Variants in ADGRV1 observed in about 807,000 individuals in gnomAD.
The protein encoded by ADGRV1 is adhesion G protein-coupled receptor V1.
ADGRV1 carries 359 observed loss-of-function variants against 596.2 expected under a neutral mutation model. The ratio of observed to expected loss-of-function variants is 0.60; its 90% confidence interval spans 0.55 to 0.66. The LOEUF (loss-of-function observed/expected upper bound fraction) is 0.66. ADGRV1 is among the 30% of genes least tolerant of loss of function. The probability of loss-of-function intolerance (pLI) is 0.00; values close to 1 mark genes in which losing one functional copy is unlikely to be tolerated. For synonymous variants in ADGRV1, 2,681 were observed against 2,679.2 expected, an observed-to-expected ratio of 1.00 and a Z score of -0.02; for missense variants, 7,274 against 7,575.6, an observed-to-expected ratio of 0.96 and a Z score of 1.48.
At chr5:90,926,663 A>T (rs1430492533) in intron 83 of ADGRV1, among the ~76,000 whole-genome samples, 1,869 of 149,262 alleles carry the variant, frequency 0.013, 44 homozygotes, top group African/African-American at 0.044. Context: ...AGTTATTTCT[A>T]GCCTTCTGCT....
At chr5:90,561,159 G>A (rs1754781556) in intron 1 of ADGRV1, among the ~76,000 whole-genome samples, 3 of 152,054 alleles carry the variant, frequency 2.0e-5, no homozygotes, top group Non-Finnish European at 2.9e-5. Context: ...AGAAACCGAG[G>A]CAGAGAGATC....
At position 90,647,503 on chromosome 5, in the gene ADGRV1, C is replaced by T. The variant is rs748033684; in HGVS notation, c.3028C>T (p.Arg1010Cys). 1.1e-5 allele frequency: 17 copies of T among 1,610,112 alleles called. No individual in the cohort carries two copies. The highest frequency in any genetic ancestry group is 1.7e-4 in the Middle Eastern group (1 of 6,052). The change falls in exon 17 of 90, where the codon CGT becomes TGT. Residue 1010 changes from arginine (R) to cysteine (C), a missense_variant. Around this residue, in one of 5 missense-constraint regions of ADGRV1, gnomAD observed 1,715 missense variants for 1,708.8 expected, o/e 1.00. Transcript: ENST00000405460. ...TTTCTTTGTGGATATTTCAGAACCT[C>T]GTGTAGTGAGGGTTCAGGAAGGTGA... ...NDDPIYFAEP[R>C]VVRVQEGETA...
intron 86 of ADGRV1, 67 bp downstream of exon 86, chr5:91,072,671 A>G (rs1273857938): frequency 1.3e-6 from 2 of 1,514,304 alleles, no homozygotes; most frequent in Non-Finnish European, 1.8e-6. Context: ...ATGTCACTGA[A>G]TTTTTTTTAT....
chr5:90,665,043 G>A (rs373278127), intron 21 of ADGRV1, among the ~76,000 whole-genome samples: 17 of 151,370 alleles, frequency 1.1e-4, no homozygotes, highest in East Asian at 3.9e-4. Flanking sequence ...TTTTGCATCA[G>A]TGTTCATCAA....
rs1561520747 is a variant in ADGRV1 at position 90,683,995 on chromosome 5, CT to C, written c.6076del (p.Tyr2026IlefsTer6). ...YATLDDMEKPPYFPPNLARAT... is the reference protein window; with the variant it reads ...YATLDDMEKPXYFPPNLARAT... The stretch of plus-strand genomic sequence containing the variant: ...ACACTAGATGATATGGAAAAACCAC[CT>C]TATTTTCCACCTAATTTAGCGAGAG... On this transcript the variant is annotated frameshift_variant, in exon 28 of 90. Transcript: ENST00000405460. LOFTEE classifies it high-confidence loss of function. The C allele has an allele frequency of 6.2e-7, 1 of 1,613,846 alleles. No homozygotes were observed. The highest frequency in any genetic ancestry group is 8.5e-7 in the Non-Finnish European group (1 of 1,179,834).
At chr5:91,039,297 G>A (rs761853124) in intron 85 of ADGRV1, among the ~76,000 whole-genome samples, 3 of 152,166 alleles carry the variant, frequency 2.0e-5, no homozygotes, top group Non-Finnish European at 2.9e-5. Context: ...CTTCCTTTCT[G>A]GAGTCCTTTG....
chr5:91,034,302 G>A (rs890503019), intron 85 of ADGRV1, among the ~76,000 whole-genome samples: 4 of 151,986 alleles, frequency 2.6e-5, no homozygotes, highest in Non-Finnish European at 5.9e-5. Flanking sequence ...ACTTTAAGCA[G>A]GTTAAAGTCT....
intron 66 of ADGRV1, 61 bp from the exon 67 acceptor site, chr5:90,783,777 G>A (rs536535030): frequency 3.9e-6 from 5 of 1,274,082 alleles, no homozygotes; most frequent in African/African-American, 3.0e-5. Flanking sequence ...ACTGGTTATT[G>A]GGATTTTACA....
At chr5:90,616,871 A>G (rs1763434884) in intron 2 of ADGRV1, among the ~76,000 whole-genome samples, 1 of 152,144 alleles carries the variant, frequency 6.6e-6, no homozygotes, top group Admixed American at 6.5e-5. Context: ...TGTACTCCTT[A>G]ACCAACTTAT....
chr5:91,035,267 T>C (rs546500310), intron 85 of ADGRV1, among the ~76,000 whole-genome samples: 2 of 152,316 alleles, frequency 1.3e-5, no homozygotes, highest in Admixed American at 6.5e-5. Context: ...TCACTTTCTG[T>C]TGAAAAGCAA....
chr5:90,703,188 T>A (rs1748127192), intron 34 of ADGRV1, among the ~76,000 whole-genome samples: 1 of 152,086 alleles, frequency 6.6e-6, no homozygotes, highest in Admixed American at 6.5e-5. Flanking sequence ...ATGGTATATG[T>A]AAGTTACAAC....
chr5:90,944,634 C>G (rs1319861493), intron 83 of ADGRV1, among the ~76,000 whole-genome samples: 1 of 152,122 alleles, frequency 6.6e-6, no homozygotes, highest in Non-Finnish European at 1.5e-5. Flanking sequence ...CCCAAAACAC[C>G]TTTATACCTC....
intron 75 of ADGRV1, among the ~76,000 whole-genome samples, chr5:90,816,869 C>A (rs1762949033): frequency 6.6e-6 from 1 of 152,154 alleles, no homozygotes; most frequent in East Asian, 1.9e-4. Context: ...CCGCAATAAA[C>A]ATACGTGTGC....
Position 90,802,802 on chromosome 5 carries a change from C to T in ADGRV1, c.14581C>T (p.Arg4861Cys), listed in dbSNP as rs1204724019. ...QLVTVMLVGG[R>C]FYGMPTILQE... ...GGTGACTGTGATGCTTGTCGGTGGACGTTTCTATGGAATGCCAACAATTCT... is the reference window on the plus strand; with the variant it reads ...GGTGACTGTGATGCTTGTCGGTGGATGTTTCTATGGAATGCCAACAATTCT... The change falls in exon 71 of 90, where the codon CGT becomes TGT. Residue 4861 changes from arginine (R) to cysteine (C), a missense_variant. Physicochemically the swap from Arg to Cys is radical, Grantham distance 180 (BLOSUM62 -3). Around this residue, in one of 5 missense-constraint regions of ADGRV1, gnomAD observed 1,874 missense variants for 1,970.2 expected, o/e 0.95. Transcript: ENST00000405460. The T allele has an allele frequency of 7.4e-6, 12 of 1,612,624 alleles. No homozygotes were observed. The highest frequency in any genetic ancestry group is 1.0e-5 in the Non-Finnish European group (12 of 1,179,402).
chr5:91,056,426 C>G (rs984572671), intron 85 of ADGRV1, among the ~76,000 whole-genome samples: 8 of 152,134 alleles, frequency 5.3e-5, no homozygotes, highest in African/African-American at 1.9e-4. Flanking sequence ...ATAAAATCCA[C>G]TTTTCATCGC....
At chr5:90,807,319 A>G (rs1251766268) in intron 72 of ADGRV1, among the ~76,000 whole-genome samples, 2 of 152,198 alleles carry the variant, frequency 1.3e-5, no homozygotes, top group Admixed American at 6.6e-5. Flanking sequence ...CTAAGTCTAT[A>G]TTAAAGCTTG....
At chr5:90,609,376 A>G (rs895706409) in intron 1 of ADGRV1, among the ~76,000 whole-genome samples, 16 of 152,124 alleles carry the variant, frequency 1.1e-4, no homozygotes, top group African/African-American at 3.8e-4. Context: ...AATAACATTA[A>G]CTACAGTCTG....
chr5:90,965,220 G>A (rs1778347798), intron 83 of ADGRV1, among the ~76,000 whole-genome samples, 195 bp from the exon 84 acceptor site: 1 of 152,240 alleles, frequency 6.6e-6, no homozygotes, highest in East Asian at 1.9e-4. Flanking sequence ...ATCATGCGCT[G>A]TTTCTTAGAA....
chr5:90,678,723 G>A (rs553475357), intron 25 of ADGRV1, among the ~76,000 whole-genome samples: 1 of 150,770 alleles, frequency 6.6e-6, no homozygotes, highest in South Asian at 2.1e-4. Context: ...ACCCATTCTT[G>A]CAATAATGAA....
Sources: gnomAD v4.1 joint callset for allele counts (sites outside exome capture counted in the v4.1 genomes callset) on GRCh38, gnomAD v4.1.1 for gene constraint, gnomAD v4.1.1 regional missense constraint, MANE v1.5 for transcripts, NCBI Gene and HGNC (gene_info 2026-07-23, HGNC 2026-07-21) for gene names.